Variants in ADAMTS18 observed in about 807,000 individuals in gnomAD.
ADAMTS18 encodes the protein ADAM metallopeptidase with thrombospondin type 1 motif 18.
In ADAMTS18, 157 loss-of-function variants were observed where a neutral mutation model predicts 165.9. The ratio of observed to expected loss-of-function variants is 0.95; its 90% CI spans 0.83 to 1.08. ADAMTS18 has a LOEUF of 1.08. Among genes scored for constraint, ADAMTS18 ranks in the 50% least tolerant of loss-of-function variants. The pLI is 0.00. For synonymous variants in ADAMTS18, 782 were observed against 578.2 expected (o/e 1.35, Z -5.06); for missense variants, 2,040 against 1,534.0 (o/e 1.33, Z -5.51).
At chr16:77,376,814 T>C (rs1448530817) in intron 3 of ADAMTS18, among the ~76,000 whole-genome samples, 1 of 84,360 alleles carries the variant, frequency 1.2e-5, no homozygotes, top group East Asian at 9.7e-4. Flanking sequence ...TCATTCTTTT[T>C]TTTTTTTTTT....
intron 3 of ADAMTS18, among the ~76,000 whole-genome samples, chr16:77,417,733 C>G (rs1185467379): frequency 6.6e-6 from 1 of 152,184 alleles, no homozygotes; most frequent in Non-Finnish European, 1.5e-5. Context: ...TAGGCTAAAA[C>G]TTAAAGTATA....
chr16:77,434,489 C>G lies in ADAMTS18; in HGVS notation c.107G>C (p.Cys36Ser), dbSNP rs746341367. Residue 36 changes from cysteine to serine, a missense_variant, in exon 2 of 23, where the codon TGC (cysteine) becomes TCC (serine). By Grantham distance (112) the Cys-to-Ser change is moderately radical. Coordinates refer to ENST00000282849, the MANE Select transcript of ADAMTS18 (RefSeq NM_199355.4). ...CGCGGCGACCGACGCACAGCAGAGG[C>G]AGCACAGCTGGAGCGCCTGCAAGAG... ...GRVAKALQLCCLCCASVAAAL... is the reference protein window; with the variant it reads ...GRVAKALQLCSLCCASVAAAL... The G allele has an allele frequency of 6.4e-7, 1 of 1,566,186 alleles. No individual in the cohort carries two copies. The highest frequency in any genetic ancestry group is 1.2e-5 in the South Asian group (1 of 86,164).
At chr16:77,352,837 G>A (rs998710813) in intron 10 of ADAMTS18, among the ~76,000 whole-genome samples, 40 of 152,228 alleles carry the variant, frequency 2.6e-4, no homozygotes, top group Admixed American at 2.3e-3. Context: ...TGGGCCGGGC[G>A]GGGTGGCTCA....
chr16:77,416,816 A>C (rs545719817), intron 3 of ADAMTS18, among the ~76,000 whole-genome samples: 1 of 152,300 alleles, frequency 6.6e-6, no homozygotes, highest in East Asian at 1.9e-4. Flanking sequence ...GAAGAGATGA[A>C]AGAGTCATTA....
chr16:77,358,124 T>C (rs1383004542), intron 8 of ADAMTS18, among the ~76,000 whole-genome samples: 1 of 152,240 alleles, frequency 6.6e-6, no homozygotes, highest in Non-Finnish European at 1.5e-5. Flanking sequence ...CTTCTCCATT[T>C]ACAATTTTAA....
chr16:77,360,806 C>T (rs1188006195), intron 7 of ADAMTS18, among the ~76,000 whole-genome samples: 2 of 152,090 alleles, frequency 1.3e-5, no homozygotes, highest in Non-Finnish European at 2.9e-5. Context: ...AAAATTTCTG[C>T]CCTGGCACAG....
At chr16:77,289,512 G>GCTGATGAAA in intron 21 of ADAMTS18, 101 bp from the exon 22 acceptor site, 1 of 1,397,888 alleles carries the variant, frequency 7.2e-7, no homozygotes, top group South Asian at 1.2e-5. Context: ...CAAGATGCCT[G>GCTGATGAAA]CTGATGAAAC....
Position 77,363,835 on chromosome 16 carries a change from A to G in ADAMTS18, c.1023T>C (p.Val341=). The G allele has an allele frequency of 6.2e-7, 1 of 1,614,028 alleles. No homozygotes were observed. The highest frequency in any genetic ancestry group is 8.5e-7 in the Non-Finnish European group (1 of 1,179,974). The change falls in exon 6 of 23, where the codon GTT becomes GTC. Residue 341 remains valine, a synonymous_variant. Coordinates refer to ENST00000282849, the MANE Select transcript of ADAMTS18 (RefSeq NM_199355.4). The part of the protein sequence containing the change: ...DGTIGSDINV[V]VVSLILLEQE... ...GTTCCAGAAGAATTAGGCTCACCAC[A>G]ACCACGTTTATGTCACTTCCAATAG...
chr16:77,307,268 A>G (rs1182868152), intron 16 of ADAMTS18, among the ~76,000 whole-genome samples: 3 of 152,150 alleles, frequency 2.0e-5, no homozygotes, highest in Non-Finnish European at 4.4e-5. Flanking sequence ...ATGTTTTTGT[A>G]AGCTCATGTG....
At chr16:77,366,414 T>C (rs74571328) in intron 4 of ADAMTS18, among the ~76,000 whole-genome samples, 3 of 152,116 alleles carry the variant, frequency 2.0e-5, no homozygotes, top group Non-Finnish European at 4.4e-5. Flanking sequence ...AAAAATTAGC[T>C]TGGCGTGCTG....
chr16:77,391,491 C>CA (rs35087282), intron 3 of ADAMTS18, among the ~76,000 whole-genome samples: 36,157 of 132,904 alleles, frequency 0.27, 4,568 homozygotes, highest in South Asian at 0.32. Context: ...GACTCAGTCT[C>CA]AAAAAAAAAA....
intron 12 of ADAMTS18, among the ~76,000 whole-genome samples, chr16:77,331,520 T>A (rs914172255): frequency 6.6e-6 from 1 of 152,186 alleles, no homozygotes; most frequent in Non-Finnish European, 1.5e-5. Context: ...TAACCTGGTA[T>A]AAGTTGCAAA....
intron 3 of ADAMTS18, among the ~76,000 whole-genome samples, chr16:77,410,725 T>C (rs16945647): frequency 0.046 from 6,942 of 152,162 alleles, 351 homozygotes; most frequent in African/African-American, 0.12. Flanking sequence ...AACAATAAAA[T>C]TGAGCATTAG....
At chr16:77,289,819 G>C (rs2055328363) in intron 21 of ADAMTS18, among the ~76,000 whole-genome samples, 1 of 152,188 alleles carries the variant, frequency 6.6e-6, no homozygotes, top group Non-Finnish European at 1.5e-5. Flanking sequence ...AACTGGGACA[G>C]AAAAAGAAAT....
chr16:77,415,451 C>T (rs1381841051), intron 3 of ADAMTS18, among the ~76,000 whole-genome samples: 1 of 152,170 alleles, frequency 6.6e-6, no homozygotes, highest in African/African-American at 2.4e-5. Context: ...TCTCAGGGGG[C>T]AAGATGGTTG....
At chr16:77,420,338 C>T (rs1158360500) in intron 3 of ADAMTS18, among the ~76,000 whole-genome samples, 3 of 152,116 alleles carry the variant, frequency 2.0e-5, no homozygotes, top group African/African-American at 7.2e-5. Flanking sequence ...CTCTAAAGCC[C>T]GTAACATTTA....
chr16:77,385,201 G>A (rs987329003), intron 3 of ADAMTS18, among the ~76,000 whole-genome samples: 1 of 152,084 alleles, frequency 6.6e-6, no homozygotes, highest in South Asian at 2.1e-4. Context: ...GAGCCACCAT[G>A]CCTGGCCATA....
intron 3 of ADAMTS18, among the ~76,000 whole-genome samples, chr16:77,388,966 C>T (rs764736841): frequency 5.3e-5 from 8 of 152,090 alleles, no homozygotes; most frequent in Non-Finnish European, 8.8e-5. Flanking sequence ...ATGAAGAAGT[C>T]ATTAGGTGGA....
At chr16:77,364,856 A>G (rs2056770745) in intron 4 of ADAMTS18, among the ~76,000 whole-genome samples, 1 of 152,160 alleles carries the variant, frequency 6.6e-6, no homozygotes, top group African/African-American at 2.4e-5. Flanking sequence ...CCGTAATCCC[A>G]GCAATTTGAG....
Sources: allele counts gnomAD v4.1 joint callset (sites outside exome capture counted in the v4.1 genomes callset), GRCh38; gene constraint gnomAD v4.1.1; transcripts MANE v1.5; gene names NCBI Gene and HGNC (gene_info 2026-07-23, HGNC 2026-07-21).